The following CEP135 variants were observed in gnomAD, a reference collection of about 807,000 sequenced individuals.
CEP135 encodes centrosomal protein 135.
Under a neutral mutation model 157.3 loss-of-function variants are expected in CEP135, and 142 were observed. The ratio of observed to expected loss-of-function variants is 0.90; its 90% CI spans 0.79 to 1.04. The LOEUF (loss-of-function observed/expected upper bound fraction) is 1.04. Among genes scored for constraint, CEP135 ranks in the 50% least tolerant of loss-of-function variants. The probability of loss-of-function intolerance (pLI) is 0.00; values close to 1 mark genes in which losing one functional copy is unlikely to be tolerated. For missense variants in CEP135, 1,317 were observed against 1,309.2 expected (o/e 1.01, Z -0.09); for synonymous variants, 396 against 439.8 (o/e 0.90, Z 1.25).
rs1490785929 is a variant in CEP135, at chr4:55,999,422, A to G, written c.2125+5A>G. The G allele has an allele frequency of 2.5e-6, 4 of 1,613,162 alleles. No homozygotes were observed. The highest frequency in any genetic ancestry group is 3.4e-6 in the Non-Finnish European group (4 of 1,179,746). On this transcript the variant is annotated splice_donor_5th_base_variant and intron_variant, in intron 16 of 25. Coordinates refer to ENST00000257287, the MANE Select transcript of CEP135 (RefSeq NM_025009.5). ...AAATACTGGAGGAAAAGATAGGTAA[A>G]TGTTTTAAAATTTTGTTTCTGCTAA...
Position 55,965,811 on chromosome 4 carries a change from T to G in CEP135, c.996T>G (p.His332Gln), listed in dbSNP as rs919182343. Reference protein sequence around the residue: ...IDQLAQQLERHKEEVLETADK... With the variant: ...IDQLAQQLERQKEEVLETADK... ...AGTTAGCACAGCAGTTGGAAAGACA[T>G]AAAGAAGAAGTGCTTGAGACTGCTG... The change falls in exon 8 of 26, where the codon CAT becomes CAG. Residue 332 changes from histidine to glutamine, a missense_variant. Physicochemically the swap from His to Gln is conservative, Grantham distance 24. Transcript: ENST00000257287. The G allele has an allele frequency of 7.4e-6, 12 of 1,613,584 alleles. No individual in the cohort carries two copies. The African/African-American group carries it at 1.2e-4, about 16-fold the overall frequency.
rs547133226 is a variant in CEP135, at chr4:55,952,071, A to G, written c.-45-15A>G. ...AGCTATAATAAGATAATGATGTTTC[A>G]TTCTTTTCTCTCAGGACTTTAATTT... On this transcript the variant is annotated splice_polypyrimidine_tract_variant and intron_variant, in intron 1 of 25. Coordinates refer to ENST00000257287, the MANE Select transcript of CEP135 (RefSeq NM_025009.5). The G allele has an allele frequency of 1.7e-4, 136 of 812,628 alleles. No individual in the cohort carries two copies. The African/African-American group carries it at 2.1e-3, about 12-fold the overall frequency. 50.3% of individuals were successfully genotyped at this position (812,628 alleles called of 1,614,324 possible). A position where few individuals can be genotyped will look rare whatever the true frequency, so the allele number is the denominator to read the frequency against.
intron 4 of CEP135, 87 bp from the exon 5 acceptor site, chr4:55,957,136 T>A: frequency 7.0e-7 from 1 of 1,428,788 alleles, no homozygotes; most frequent in Non-Finnish European, 9.6e-7. Context: ...CAGACACACT[T>A]TATAACCGAA....
At chr4:55,965,105 C>G (rs1286021504) in intron 7 of CEP135, 7 of 152,186 alleles carry the variant, frequency 4.6e-5, no homozygotes, top group Non-Finnish European at 4.4e-5. Context: ...TTAAATTTTT[C>G]TAGTAGCAGC....
chr4:55,988,661 G>GA (rs34678871), intron 14 of CEP135, among the ~76,000 whole-genome samples: 27,407 of 131,888 alleles, frequency 0.21, 3,057 homozygotes, highest in East Asian at 0.34. Context: ...CTCCGTCTCA[G>GA]AAAAAAAAAA....
Position 56,020,688 on chromosome 4 carries a change from C to T in CEP135, c.3228C>T (p.Ser1076=), listed in dbSNP as rs1393060338. The change falls in exon 24 of 26, where the codon AGC becomes AGT. Residue 1076 remains serine (S), a synonymous_variant. Coordinates refer to ENST00000257287, the MANE Select transcript of CEP135 (RefSeq NM_025009.5). ...TLSESKLTSQ[S]RENTMLRAKV... is the part of the protein sequence containing the mutation. ...ATTTGTTTTTAAGAACTAGTCAAAG[C>T]CGGGAAAACACCATGCTTCGAGCTA... 1 of 1,613,260 alleles carries T rather than the reference C, an allele frequency of 6.2e-7. No homozygotes were observed. Among genetic ancestry groups the T allele is most frequent in the East Asian group, 2.2e-5 (1 of 44,798 alleles).
intron 6 of CEP135, among the ~76,000 whole-genome samples, chr4:55,963,047 T>C (rs1728733153): frequency 2.0e-5 from 3 of 152,222 alleles, no homozygotes; most frequent in Admixed American, 1.3e-4. Context: ...CTTTGGTTGG[T>C]AGCATCAATG....
chr4:55,955,415 G>T (rs1728474675), intron 4 of CEP135, among the ~76,000 whole-genome samples: 1 of 152,176 alleles, frequency 6.6e-6, no homozygotes, highest in South Asian at 2.1e-4. Flanking sequence ...TGAAGTTGAG[G>T]GGAGAGGAGA....
At chr4:56,024,106 GTATAGTA>G in intron 24 of CEP135, among the ~76,000 whole-genome samples, 1 of 141,346 alleles carries the variant, frequency 7.1e-6, no homozygotes, top group South Asian at 2.2e-4. Flanking sequence ...TAGTTATATG[GTATAGTA>G]TATAGTATAT....
At chr4:55,971,992 A>G (rs1400149800) in intron 10 of CEP135, among the ~76,000 whole-genome samples, 8 of 152,118 alleles carry the variant, frequency 5.3e-5, no homozygotes, top group Admixed American at 5.2e-4. Context: ...CTCCACTAAA[A>G]ATACAAAATT....
At chr4:56,019,586 C>A in intron 23 of CEP135, 31 bp downstream of exon 23, 1 of 1,545,328 alleles carries the variant, frequency 6.5e-7, no homozygotes, top group Non-Finnish European at 8.8e-7. Context: ...TATGCAAAGA[C>A]AATTGCTTGT....
At chr4:56,000,016 T>TC (rs764951069) in intron 17 of CEP135, among the ~76,000 whole-genome samples, 3 of 152,046 alleles carry the variant, frequency 2.0e-5, no homozygotes, top group Non-Finnish European at 2.9e-5. Flanking sequence ...GTGGTGAGAC[T>TC]CCATCTCTAC....
Position 55,969,243 on chromosome 4 carries a change from A to G in CEP135, c.1110+115A>G, listed in dbSNP as rs952740650. The G allele has an allele frequency of 2.5e-5, 19 of 759,844 alleles. No homozygotes were observed. In the African/African-American group the frequency reaches 3.2e-4, roughly 13 times the overall value. 47.1% of individuals were successfully genotyped at this position (759,844 alleles called of 1,614,324 possible). On this transcript the variant is annotated intron_variant, in intron 9 of 25. Transcript: ENST00000257287. ...TTCGAGACCATCCAGCCACATCAACATGGCGAAACCCCGTCTCTACTAAAA... is the reference window on the plus strand; with the variant it reads ...TTCGAGACCATCCAGCCACATCAACGTGGCGAAACCCCGTCTCTACTAAAA...
intron 17 of CEP135, 45 bp downstream of exon 17, chr4:55,999,690 G>GT (rs571897094): frequency 1.5e-5 from 24 of 1,551,658 alleles, no homozygotes; most frequent in Admixed American, 4.2e-5. Context: ...AAACAGAACA[G>GT]TTTTTTTTGT....
rs895158386 is a variant in CEP135 at position 55,981,306 on chromosome 4, A to G, written c.1706A>G (p.Lys569Arg). ...APHNIVSLME[K>R]EKELALSDLR... is the part of the protein sequence containing the mutation. ...CATAATATTGTTAGTCTTATGGAAAAGGAAAAAGAACTTGCGTTATCTGAC... is the reference window on the plus strand; with the variant it reads ...CATAATATTGTTAGTCTTATGGAAAGGGAAAAAGAACTTGCGTTATCTGAC... Residue 569 changes from lysine to arginine, a missense_variant, in exon 13 of 26, where the codon AAG becomes AGG. Lys to Arg is a conservative substitution (Grantham distance 26). Coordinates refer to ENST00000257287, the MANE Select transcript of CEP135 (RefSeq NM_025009.5). 4.4e-6 allele frequency: 7 copies of G among 1,598,384 alleles called. No homozygotes were observed. The highest frequency in any genetic ancestry group is 1.8e-5 in the Admixed American group (1 of 56,508).
At chr4:55,965,953 T>C in intron 8 of CEP135, 94 bp downstream of exon 8, 1 of 1,101,794 alleles carries the variant, frequency 9.1e-7, no homozygotes. Flanking sequence ...TTCAGGTTTT[T>C]GGTTTATTTT....
chr4:55,983,246 C>G (rs976164371), intron 13 of CEP135, among the ~76,000 whole-genome samples: 1 of 152,086 alleles, frequency 6.6e-6, no homozygotes, highest in African/African-American at 2.4e-5. Flanking sequence ...TGAAATGACC[C>G]AAGAATGTAA....
At chr4:56,009,200 T>C (rs1275578898) in intron 18 of CEP135, among the ~76,000 whole-genome samples, 1 of 152,144 alleles carries the variant, frequency 6.6e-6, no homozygotes, top group Non-Finnish European at 1.5e-5. Flanking sequence ...CTCGCTCTGT[T>C]GCCCAGGCTG....
intron 15 of CEP135, 104 bp downstream of exon 15, chr4:55,992,189 T>G (rs1042298344): frequency 5.3e-6 from 6 of 1,141,784 alleles, no homozygotes; most frequent in Non-Finnish European, 7.4e-6. Context: ...TGCAGTAGTT[T>G]TAGAAGTTGG....
Sources: allele counts gnomAD v4.1 joint callset (sites outside exome capture counted in the v4.1 genomes callset), GRCh38; gene constraint gnomAD v4.1.1; transcripts MANE v1.5; gene names NCBI Gene and HGNC (gene_info 2026-07-23, HGNC 2026-07-21).